Variants in TENM4 observed in about 807,000 individuals in gnomAD.
TENM4 encodes teneurin transmembrane protein 4.
A neutral mutation model predicts 243.3 loss-of-function variants in TENM4; 82 were observed. The observed-to-expected ratio is 0.34, with a 90% CI of 0.28 to 0.40. The LOEUF (loss-of-function observed/expected upper bound fraction) is 0.40. Ranked by LOEUF, TENM4 falls within the 10% of genes least tolerant of loss-of-function variation. The probability of loss-of-function intolerance (pLI) is 1.00; values close to 1 mark genes in which losing one functional copy is unlikely to be tolerated. For synonymous variants in TENM4, 1,412 were observed against 1,456.3 expected (o/e 0.97, Z 0.69); for missense variants, 3,138 against 3,673.3 (o/e 0.85, Z 3.77).
chr11:78,675,959 C>T (rs1453937171), intron 30 of TENM4, among the ~76,000 whole-genome samples, 193 bp downstream of exon 30: 1 of 152,174 alleles, frequency 6.6e-6, no homozygotes, highest in African/African-American at 2.4e-5. Flanking sequence ...AACACCAAAG[C>T]CAGTAGTCTT....
At chr11:79,382,833 A>G (rs757894401) in intron 1 of TENM4, among the ~76,000 whole-genome samples, 8 of 152,180 alleles carry the variant, frequency 5.3e-5, no homozygotes, top group Non-Finnish European at 7.4e-5. Flanking sequence ...TTTATGAGAC[A>G]TTAAAACCAC....
rs1590915854 is a variant in TENM4, at chr11:78,657,627, C to T, written c.*431G>A. Reference sequence around the variant, plus strand: ...GTACTGGCCCATCACTCCCTTTACTCCTGCCCGACCCCAGTCGAAGAAGAA... The same window carrying T: ...GTACTGGCCCATCACTCCCTTTACTTCTGCCCGACCCCAGTCGAAGAAGAA... On this transcript the variant is annotated 3_prime_UTR_variant, in exon 34 of 34. Transcript: ENST00000278550. The T allele has an allele frequency of 2.8e-6, 1 of 355,236 alleles. No individual in the cohort carries two copies. The highest frequency in any genetic ancestry group is 7.3e-5 in the East Asian group (1 of 13,770). 22.0% of individuals were successfully genotyped at this position (355,236 alleles called of 1,614,324 possible).
At chr11:78,789,106 G>T (rs897995064) in intron 15 of TENM4, among the ~76,000 whole-genome samples, 4 of 151,598 alleles carry the variant, frequency 2.6e-5, no homozygotes, top group Non-Finnish European at 5.9e-5. Context: ...CCTCCATCCC[G>T]GGTACCAAGC....
chr11:79,436,648 G>C (rs1248276845), intron 1 of TENM4, among the ~76,000 whole-genome samples: 1 of 152,160 alleles, frequency 6.6e-6, no homozygotes, highest in Non-Finnish European at 1.5e-5. Context: ...ACTATCCTTT[G>C]ATGGTTCTTG....
chr11:79,118,370 T>C (rs1447159255), intron 4 of TENM4, among the ~76,000 whole-genome samples: 1 of 152,204 alleles, frequency 6.6e-6, no homozygotes, highest in Admixed American at 6.5e-5. Context: ...TATTACCTAA[T>C]CCCCTTTTAA....
chr11:79,279,374 G>A (rs1203311410), intron 2 of TENM4, among the ~76,000 whole-genome samples: 1 of 152,184 alleles, frequency 6.6e-6, no homozygotes, highest in Non-Finnish European at 1.5e-5. Context: ...CAGGCAGAAA[G>A]GGAGAGGAAG....
At chr11:78,811,923 T>C (rs924564422) in intron 14 of TENM4, among the ~76,000 whole-genome samples, 199 bp downstream of exon 14, 9 of 152,234 alleles carry the variant, frequency 5.9e-5, no homozygotes, top group African/African-American at 1.9e-4. Context: ...ATTTCTCCCC[T>C]TCATTGACCA....
intron 2 of TENM4, among the ~76,000 whole-genome samples, chr11:79,218,647 C>T (rs1864102917): frequency 6.6e-6 from 1 of 152,128 alleles, no homozygotes; most frequent in African/African-American, 2.4e-5. Context: ...TGCCCTCATC[C>T]TTGCCAAGGC....
At chr11:78,835,235 C>T (rs1009050242) in intron 12 of TENM4, among the ~76,000 whole-genome samples, 2 of 152,180 alleles carry the variant, frequency 1.3e-5, no homozygotes, top group African/African-American at 2.4e-5. Context: ...TGGCCGGGCA[C>T]AGTGGCTTAT....
At chr11:79,096,798 C>T in intron 4 of TENM4, 1 of 152,638 alleles carries the variant, frequency 6.6e-6, no homozygotes. Context: ...ATAGTCTCAG[C>T]AACTTATAGA....
chr11:78,791,584 T>G (rs948069919), intron 15 of TENM4, among the ~76,000 whole-genome samples: 1 of 152,208 alleles, frequency 6.6e-6, no homozygotes, highest in African/African-American at 2.4e-5. Flanking sequence ...GCACTGGAGA[T>G]CCCATGGTGA....
rs576407370 is a variant in TENM4 at position 78,890,018 on chromosome 11, T to G, written c.851A>C (p.His284Pro). 1.2e-5 allele frequency: 18 copies of G among 1,532,232 alleles called. No individual in the cohort carries two copies. The East Asian group carries it at 4.4e-4, about 38-fold the overall frequency. 94.9% of individuals were successfully genotyped at this position (1,532,232 alleles called of 1,614,324 possible). A position where few individuals can be genotyped will look rare whatever the true frequency, so the allele number is the denominator to read the frequency against. Residue 284 changes from histidine (H) to proline (P), a missense_variant and splice_region_variant, in exon 9 of 34, where the codon CAC becomes CCC. This residue lies in a region of TENM4 where 671 missense variants were observed against 614.1 expected (regional missense o/e 1.09). Coordinates refer to ENST00000278550, the MANE Select transcript of TENM4 (RefSeq NM_001098816.3). The stretch of plus-strand genomic sequence containing the variant: ...GGTGCCTCCAGGCTTGAAGAGGAAG[T>G]GCCTGCAGATGGAGAGCAGCAAGAG... ...SRHDGAYSDG[H>P]FLFKPGGTSP...
intron 6 of TENM4, among the ~76,000 whole-genome samples, chr11:78,948,521 C>T (rs943572927): frequency 7.2e-5 from 11 of 152,012 alleles, no homozygotes; most frequent in African/African-American, 1.5e-4. Flanking sequence ...TACAGGCACC[C>T]GCCACCGCGC....
At chr11:79,411,238 C>T (rs1215675736) in intron 1 of TENM4, among the ~76,000 whole-genome samples, 1 of 152,190 alleles carries the variant, frequency 6.6e-6, no homozygotes, top group African/African-American at 2.4e-5. Flanking sequence ...AATCTAGAGG[C>T]CACAGTGGCT....
chr11:78,983,669 G>GC (rs1857854088), intron 6 of TENM4, among the ~76,000 whole-genome samples: 1 of 152,172 alleles, frequency 6.6e-6, no homozygotes, highest in African/African-American at 2.4e-5. Flanking sequence ...GGGACACGCT[G>GC]CCCCCAGGGC....
chr11:78,991,629 GGA>G (rs1365058424), intron 6 of TENM4, among the ~76,000 whole-genome samples: 2 of 152,208 alleles, frequency 1.3e-5, no homozygotes, highest in Non-Finnish European at 2.9e-5. Context: ...TGGGTCTGTA[GGA>G]GGTTTCTAAA....
intron 19 of TENM4, among the ~76,000 whole-genome samples, chr11:78,744,246 C>T (rs542679222): frequency 6.6e-6 from 1 of 152,338 alleles, no homozygotes; most frequent in African/African-American, 2.4e-5. Flanking sequence ...GCCCAGCCAC[C>T]AGGCTGATCT....
At chr11:79,254,718 G>A (rs190207894) in intron 2 of TENM4, among the ~76,000 whole-genome samples, 145 of 152,306 alleles carry the variant, frequency 9.5e-4, no homozygotes, top group African/African-American at 3.2e-3. Context: ...TATATAATGT[G>A]TTCAATGCCA....
chr11:79,060,591 G>A (rs1860061375), intron 6 of TENM4, among the ~76,000 whole-genome samples: 1 of 152,184 alleles, frequency 6.6e-6, no homozygotes, highest in South Asian at 2.1e-4. Flanking sequence ...TGAGAACTTG[G>A]TTGCACATTT....
Sources: allele counts gnomAD v4.1 joint callset (sites outside exome capture counted in the v4.1 genomes callset), GRCh38; gene constraint gnomAD v4.1.1; regional missense constraint gnomAD v4.1.1; transcripts MANE v1.5; gene names NCBI Gene and HGNC (gene_info 2026-07-23, HGNC 2026-07-21).